SCLT1: variants seen among roughly 807,000 people sequenced by gnomAD.
The protein encoded by SCLT1 is sodium channel-associated protein 1.
SCLT1 carries 78 observed loss-of-function variants against 112.8 expected under a neutral mutation model. The ratio of observed to expected loss-of-function variants is 0.69; its 90% CI spans 0.58 to 0.83. The LOEUF is 0.83. SCLT1 is among the 40% of genes least tolerant of loss of function. The probability of loss-of-function intolerance (pLI) is 0.00; values close to 1 mark genes in which losing one functional copy is unlikely to be tolerated. For synonymous variants in SCLT1, 257 were observed against 254.7 expected (o/e 1.01, Z -0.09); for missense variants, 747 against 770.4 (o/e 0.97, Z 0.36).
At chr4:128,896,315 C>G (rs1201230012) in intron 18 of SCLT1, among the ~76,000 whole-genome samples, 1 of 152,180 alleles carries the variant, frequency 6.6e-6, no homozygotes, top group Admixed American at 6.5e-5. Context: ...GGGTGCTCCT[C>G]TGAGACAAAA....
intron 2 of SCLT1, among the ~76,000 whole-genome samples, chr4:129,050,459 T>G (rs1748672820): frequency 6.6e-6 from 1 of 152,224 alleles, no homozygotes; most frequent in South Asian, 2.1e-4. Context: ...TCTCATTTGG[T>G]TCTGATTTGC....
chr4:128,927,023 GA>G (rs1444708695), intron 18 of SCLT1, among the ~76,000 whole-genome samples: 2 of 150,832 alleles, frequency 1.3e-5, no homozygotes, highest in African/African-American at 2.4e-5. Flanking sequence ...AGATGAGAAA[GA>G]AAAAAAGGAA....
chr4:129,058,792 G>A (rs1283690681), intron 2 of SCLT1, among the ~76,000 whole-genome samples: 2 of 152,118 alleles, frequency 1.3e-5, no homozygotes, highest in Admixed American at 6.6e-5. Context: ...AATGCTGAGA[G>A]TGGGGTGTTA....
Position 128,970,266 on chromosome 4 carries a change from A to G in SCLT1, c.777+112T>C, listed in dbSNP as rs1442115446. On this transcript the variant is annotated intron_variant, in intron 10 of 20. Transcript: ENST00000281142. ...ACTTTCATATTTTAAGGGTATTAAA[A>G]TAATTAATTCATCTTCTGACAACCC... is the stretch of plus-strand genomic sequence containing the variant. 3 of 669,240 alleles carry G rather than the reference A, an allele frequency of 4.5e-6. No individual in the cohort carries two copies. The African/African-American group carries it at 5.5e-5, about 12-fold the overall frequency. The allele number at this position is 669,240 out of a possible 1,614,324, so 41.5% of individuals were successfully genotyped here.
chr4:129,085,270 A>G (rs1325958964), intron 1 of SCLT1, among the ~76,000 whole-genome samples: 1 of 152,216 alleles, frequency 6.6e-6, no homozygotes, highest in Non-Finnish European at 1.5e-5. Context: ...AAAAAGCTCA[A>G]CATCACTGAT....
chr4:128,954,924 T>A (rs1739095606), intron 13 of SCLT1, among the ~76,000 whole-genome samples: 1 of 152,206 alleles, frequency 6.6e-6, no homozygotes, highest in Non-Finnish European at 1.5e-5. Flanking sequence ...TCACATAATT[T>A]CTAAAATGTG....
chr4:129,006,926 C>G (rs1398961766), intron 5 of SCLT1, among the ~76,000 whole-genome samples: 1 of 152,216 alleles, frequency 6.6e-6, no homozygotes, highest in East Asian at 1.9e-4. Flanking sequence ...GCCTTAGTGG[C>G]AACGCCGACG....
chr4:128,917,167 C>A (rs893144084), intron 18 of SCLT1, among the ~76,000 whole-genome samples: 1 of 152,052 alleles, frequency 6.6e-6, no homozygotes, highest in South Asian at 2.1e-4. Flanking sequence ...CACCTTCTAC[C>A]TCGTGACTGA....
rs59285303 is a variant in SCLT1, at chr4:129,074,593, A to G, written c.102+7713T>C. Among the ~76,000 whole-genome samples the G allele has an allele frequency of 4.7e-3, 717 of 152,296 alleles. 4 individuals are homozygous for G. The highest frequency in any genetic ancestry group is 0.016 in the African/African-American group (658 of 41,584). On this transcript the variant is annotated intron_variant, in intron 2 of 20. Coordinates refer to ENST00000281142, the MANE Select transcript of SCLT1 (RefSeq NM_144643.4). ...AAAAACATTTACAAATGTTCTTTTCATTTTCTCTAAAACAAAATTTAAAAA... is the reference window on the plus strand; with the variant it reads ...AAAAACATTTACAAATGTTCTTTTCGTTTTCTCTAAAACAAAATTTAAAAA...
At chr4:128,888,301 C>T (rs1386138823) in intron 20 of SCLT1, among the ~76,000 whole-genome samples, 2 of 151,356 alleles carry the variant, frequency 1.3e-5, no homozygotes, top group South Asian at 2.1e-4. Context: ...ACTGCAGCTT[C>T]GACTTCTTGG....
chr4:129,049,169 A>C (rs1219337697), intron 2 of SCLT1, among the ~76,000 whole-genome samples: 3 of 151,914 alleles, frequency 2.0e-5, no homozygotes, highest in African/African-American at 7.2e-5. Context: ...TGCTATAAAG[A>C]CACATGCACA....
intron 18 of SCLT1, among the ~76,000 whole-genome samples, chr4:128,899,826 G>C (rs948645366): frequency 2.6e-5 from 4 of 152,204 alleles, no homozygotes; most frequent in African/African-American, 9.6e-5. Flanking sequence ...CTTCAGCAAA[G>C]TCTCAGGATA....
chr4:128,888,776 T>C lies in SCLT1; in HGVS notation c.1909-2A>G, dbSNP rs1432120080. ...ATGCTCTAGAATTAGCTTTTCATTC[T>C]ATTAAGGGGAAATAGAAAACAAGTT... On this transcript the variant is annotated splice_acceptor_variant, in intron 19 of 20. Transcript: ENST00000281142. LOFTEE classifies it high-confidence loss of function. 2.5e-6 allele frequency: 4 copies of C among 1,575,842 alleles called. No individual in the cohort carries two copies. In the South Asian group the frequency reaches 4.5e-5, roughly 18 times the overall value.
chr4:128,915,700 T>C (rs934164652), intron 18 of SCLT1, among the ~76,000 whole-genome samples: 6 of 151,896 alleles, frequency 4.0e-5, no homozygotes, highest in Admixed American at 3.3e-4. Context: ...CAATAATTGA[T>C]AAAATTCACT....
intron 5 of SCLT1, among the ~76,000 whole-genome samples, chr4:129,019,980 T>A (rs747239528): frequency 5.3e-5 from 8 of 152,134 alleles, no homozygotes; most frequent in Admixed American, 3.3e-4. Context: ...GAACTCTCCA[T>A]GTGATCTGCA....
At chr4:128,888,453 A>G (rs187634374) in intron 20 of SCLT1, among the ~76,000 whole-genome samples, 6 of 152,254 alleles carry the variant, frequency 3.9e-5, no homozygotes, top group African/African-American at 1.2e-4. Flanking sequence ...CCTGGCCTCA[A>G]GTGATCCTCC....
At chr4:128,926,211 T>A (rs1254438194) in intron 18 of SCLT1, among the ~76,000 whole-genome samples, 1 of 152,088 alleles carries the variant, frequency 6.6e-6, no homozygotes, top group African/African-American at 2.4e-5. Context: ...AGCTTGTTTT[T>A]AGCTTTTTCA....
intron 9 of SCLT1, among the ~76,000 whole-genome samples, chr4:128,981,929 A>G (rs1323730928): frequency 2.0e-5 from 3 of 152,158 alleles, no homozygotes; most frequent in African/African-American, 7.2e-5. Context: ...ATGATCGGAC[A>G]TATTTTAGAA....
chr4:129,023,653 G>A (rs543184201), intron 5 of SCLT1, among the ~76,000 whole-genome samples: 1 of 152,184 alleles, frequency 6.6e-6, no homozygotes, highest in East Asian at 1.9e-4. Flanking sequence ...GAGGTACTGG[G>A]TTCATCTCAC....
Sources: allele counts gnomAD v4.1 joint callset (sites outside exome capture counted in the v4.1 genomes callset), GRCh38; gene constraint gnomAD v4.1.1; transcripts MANE v1.5; gene names NCBI Gene and HGNC (gene_info 2026-07-23, HGNC 2026-07-21).